ENAM: variants seen among roughly 807,000 people sequenced by gnomAD.
The protein encoded by ENAM is amelogenesis imperfecta 2, hypocalcification (autosomal dominant).
ENAM carries 21 observed loss-of-function variants against 33.6 expected under a neutral mutation model. The ratio of observed to expected loss-of-function variants is 0.63; its 90% CI spans 0.44 to 0.90. The LOEUF is 0.90. Ranked by LOEUF, ENAM falls within the 40% of genes least tolerant of loss-of-function variation. The pLI is 0.00. For synonymous variants in ENAM, 473 were observed against 468.4 expected, an observed-to-expected ratio of 1.01 and a Z score of -0.13; for missense variants, 1,388 against 1,366.9, an observed-to-expected ratio of 1.02 and a Z score of -0.24.
In ENAM at chr4:70,635,887, T is replaced by A; in HGVS notation, c.527T>A (p.Ile176Asn). 7 of 1,593,742 alleles carry A rather than the reference T, an allele frequency of 4.4e-6. No homozygotes were observed. The highest frequency in any genetic ancestry group is 6.0e-6 in the Non-Finnish European group (7 of 1,162,940). Residue 176 changes from isoleucine to asparagine, a missense_variant, in exon 7 of 9, where the codon ATT (isoleucine) becomes AAT (asparagine). Ile to Asn is a moderately radical substitution (Grantham distance 149). Coordinates refer to ENST00000396073, the MANE Select transcript of ENAM (RefSeq NM_031889.3). Reference sequence around the variant, plus strand: ...CCCTATCAACAACCACCATGGCAAATTCCACAGGTGAGAAATTTTTTTTTC... The same window carrying A: ...CCCTATCAACAACCACCATGGCAAAATCCACAGGTGAGAAATTTTTTTTTC... ...LFPYQQPPWQ[I>N]PQRLPPPGYG... is the part of the protein sequence containing the mutation.
Position 70,642,100 on chromosome 4 carries a change from A to T in ENAM, c.674A>T (p.Glu225Val), listed in dbSNP as rs1446160816. The T allele has an allele frequency of 6.2e-7, 1 of 1,614,110 alleles. No individual in the cohort carries two copies. The highest frequency in any genetic ancestry group is 2.2e-5 in the East Asian group (1 of 44,892). Residue 225 changes from glutamate (E) to valine (V), a missense_variant, in exon 9 of 9, where the codon GAA (glutamate) becomes GTA (valine). By Grantham distance (121) the Glu-to-Val change is moderately radical. Coordinates refer to ENST00000396073, the MANE Select transcript of ENAM (RefSeq NM_031889.3). ...GAAGAAATGTTTGAACAAGATTTTGAAAAACCCAAAGAAGAAGATCCTCCT... is the reference window on the plus strand; with the variant it reads ...GAAGAAATGTTTGAACAAGATTTTGTAAAACCCAAAGAAGAAGATCCTCCT... ...YSEEMFEQDF[E>V]KPKEEDPPKA...
Position 70,644,788 on chromosome 4 carries a change from T to C in ENAM, c.3362T>C (p.Phe1121Ser), listed in dbSNP as rs1177811943. 1.2e-6 allele frequency: 2 copies of C among 1,614,114 alleles called. No individual in the cohort carries two copies. Among genetic ancestry groups the C allele is most frequent in the East Asian group, 2.2e-5 (1 of 44,886 alleles). ...CTTGATGCAGATGAACACAGTCCAT[T>C]TGAATTCCTTCAAAGAGGGACCAAT... ...DPLDADEHSPFEFLQRGTNVQ... is the reference protein window; with the variant it reads ...DPLDADEHSPSEFLQRGTNVQ... The change falls in exon 9 of 9, where the codon TTT (phenylalanine) becomes TCT (serine). Residue 1121 changes from phenylalanine to serine, a missense_variant. Transcript: ENST00000396073.
chr4:70,629,819 CATAAT>C (rs1036908230), intron 2 of ENAM, among the ~76,000 whole-genome samples: 1 of 152,084 alleles, frequency 6.6e-6, no homozygotes, highest in African/African-American at 2.4e-5. Flanking sequence ...AGTCATCCAA[CATAAT>C]ATATTAATTT....
chr4:70,639,265 A>G (rs752465418), intron 8 of ENAM, among the ~76,000 whole-genome samples: 1 of 150,160 alleles, frequency 6.7e-6, no homozygotes, highest in Non-Finnish European at 1.5e-5. Context: ...GGAAGCAGAA[A>G]GATCCAGGCA....
chr4:70,640,828 G>A (rs776034452), intron 8 of ENAM, among the ~76,000 whole-genome samples: 3 of 152,136 alleles, frequency 2.0e-5, no homozygotes, highest in Non-Finnish European at 4.4e-5. Context: ...TTGATGTTAT[G>A]TTAAGGGATT....
intron 7 of ENAM, 67 bp from the exon 8 acceptor site, chr4:70,637,723 T>C: frequency 8.4e-7 from 1 of 1,186,280 alleles, no homozygotes; most frequent in East Asian, 2.3e-5. Context: ...ACACCCTGAG[T>C]CTTACAAACA....
intron 7 of ENAM, among the ~76,000 whole-genome samples, chr4:70,636,923 TGTTA>T (rs1324382584): frequency 3.3e-5 from 5 of 152,288 alleles, no homozygotes; most frequent in African/African-American, 1.2e-4. Context: ...ACTAAAGAAA[TGTTA>T]AAGGCCAGTT....
Position 70,644,561 on chromosome 4 carries a change from A to G in ENAM, c.3135A>G (p.Gln1045=). ...SQVQENESER[Q]QQRPSNILHL... is the part of the protein sequence containing the mutation. ...TCCAAGAAAATGAGAGTGAGAGGCA[A>G]CAGCAAAGACCATCTAACATTCTGC... is the stretch of plus-strand genomic sequence containing the variant. The change falls in exon 9 of 9, where the codon CAA becomes CAG. Residue 1045 remains glutamine, a synonymous_variant. Transcript: ENST00000396073. 1.2e-6 allele frequency: 2 copies of G among 1,613,648 alleles called. No homozygotes were observed. The highest frequency in any genetic ancestry group is 1.7e-6 in the Non-Finnish European group (2 of 1,179,642).
At position 70,644,564 on chromosome 4, in the gene ENAM, G is replaced by A; in HGVS notation, c.3138G>A (p.Gln1046=). The A allele has an allele frequency of 6.2e-7, 1 of 1,613,678 alleles. No individual in the cohort carries two copies. Among genetic ancestry groups the A allele is most frequent in the Non-Finnish European group, 8.5e-7 (1 of 1,179,672 alleles). ...AAGAAAATGAGAGTGAGAGGCAACA[G>A]CAAAGACCATCTAACATTCTGCATT... is the stretch of plus-strand genomic sequence containing the variant. ...QVQENESERQ[Q]QRPSNILHLP... Residue 1046 remains glutamine, a synonymous_variant, in exon 9 of 9, where the codon CAG becomes CAA. Transcript: ENST00000396073.
intron 8 of ENAM, 93 bp from the exon 9 acceptor site, chr4:70,641,922 C>A: frequency 1.2e-6 from 1 of 860,278 alleles, no homozygotes; most frequent in Non-Finnish European, 2.0e-6. Flanking sequence ...AATCATGTGG[C>A]TGATAAGATT....
At chr4:70,635,134 T>C (rs560718566) in intron 6 of ENAM, among the ~76,000 whole-genome samples, 1 of 152,286 alleles carries the variant, frequency 6.6e-6, no homozygotes, top group South Asian at 2.1e-4. Context: ...CCCAACACTT[T>C]GGGAGGCCAA....
Position 70,643,030 on chromosome 4 carries a change from A to G in ENAM, c.1604A>G (p.Gln535Arg), listed in dbSNP as rs915300364. Reference protein sequence around the residue: ...RRMPYESETNQSELKHSSYQP... With the variant: ...RRMPYESETNRSELKHSSYQP... ...ATGCCATATGAATCAGAAACTAATC[A>G]GTCAGAATTAAAGCACAGCTCATAT... The change falls in exon 9 of 9, where the codon CAG becomes CGG. Residue 535 changes from glutamine (Q) to arginine (R), a missense_variant. Transcript: ENST00000396073. 3.7e-6 allele frequency: 6 copies of G among 1,614,130 alleles called. No homozygotes were observed. The South Asian group carries it at 6.6e-5, about 18-fold the overall frequency.
Position 70,632,122 on chromosome 4 carries a change from G to C in ENAM, c.168+229G>C, listed in dbSNP as rs559494419. ...TCCTTTTCAAGGTAGATGTGGATTT[G>C]TGTTAAAATCTAGTTGATGTTACCT... On this transcript the variant is annotated intron_variant, in intron 4 of 8. Transcript: ENST00000396073. 3.8e-4 allele frequency among the ~76,000 whole-genome samples: 58 copies of C among 152,228 alleles called. 1 individual carries two copies. Among genetic ancestry groups the C allele is most frequent in the African/African-American group, 1.3e-3 (55 of 41,548 alleles).
In ENAM at chr4:70,635,897, G is replaced by GAA. The variant is rs766264415; in HGVS notation, c.534+4_534+5insAA. ...AACCACCATGGCAAATTCCACAGGT[G>GAA]AGAAATTTTTTTTTCTTTACACTGT... On this transcript the variant is annotated splice_donor_region_variant and intron_variant, in intron 7 of 8. Transcript: ENST00000396073. 1 of 1,587,216 alleles carries GAA rather than the reference G, an allele frequency of 6.3e-7. No individual in the cohort carries two copies. Among genetic ancestry groups the GAA allele is most frequent in the Non-Finnish European group, 8.6e-7 (1 of 1,157,988 alleles).
rs2109822928 is a variant in ENAM at position 70,638,124 on chromosome 4, C to A, written c.588+281C>A. Among the ~76,000 whole-genome samples the A allele has an allele frequency of 2.0e-5, 3 of 152,202 alleles. No homozygotes were observed. In the South Asian group the frequency reaches 6.2e-4, roughly 32 times the overall value. On this transcript the variant is annotated intron_variant, in intron 8 of 8. Transcript: ENST00000396073. ...CTCTAACTTCCTGATTATATTAATACAAATAAATTGAAGCCAAGAAAAGAT... is the reference window on the plus strand; with the variant it reads ...CTCTAACTTCCTGATTATATTAATAAAAATAAATTGAAGCCAAGAAAAGAT...
chr4:70,633,810 C>A (rs1738382832), intron 5 of ENAM, among the ~76,000 whole-genome samples: 1 of 152,242 alleles, frequency 6.6e-6, no homozygotes, highest in South Asian at 2.1e-4. Context: ...AACCAAGAAC[C>A]ATAGACACCA....
At position 70,645,230 on chromosome 4, in the gene ENAM, TCTAC is replaced by T; in HGVS notation, c.*376_*379del. ...ACTGAAAGGCAGATTAACTTTCCAT[TCTAC>T]TTATGGAGATCCACACATCAGTATA... On this transcript the variant is annotated 3_prime_UTR_variant, in exon 9 of 9. Coordinates refer to ENST00000396073, the MANE Select transcript of ENAM (RefSeq NM_031889.3). 8 of 293,338 alleles carry T rather than the reference TCTAC, an allele frequency of 2.7e-5. No individual in the cohort carries two copies. Among genetic ancestry groups the T allele is most frequent in the African/African-American group, 1.1e-4 (5 of 46,218 alleles). 18.2% of individuals were successfully genotyped at this position (293,338 alleles called of 1,614,324 possible). A position where few individuals can be genotyped will look rare whatever the true frequency, so the allele number is the denominator to read the frequency against.
At position 70,642,488 on chromosome 4, in the gene ENAM, A is replaced by G. The variant is rs769197692; in HGVS notation, c.1062A>G (p.Gln354=). The G allele has an allele frequency of 1.5e-5, 25 of 1,614,158 alleles. No homozygotes were observed. Among genetic ancestry groups the G allele is most frequent in the Non-Finnish European group, 2.1e-5 (25 of 1,180,002 alleles). The stretch of plus-strand genomic sequence containing the variant: ...ATAGGCCTTTTTACAGAAATCAACA[A>G]GTTCAAAGGGGTCCTCGGTGGAACT... ...RQNRPFYRNQ[Q]VQRGPRWNFF... Residue 354 remains glutamine, a synonymous_variant, in exon 9 of 9, where the codon CAA becomes CAG. Transcript: ENST00000396073.
In ENAM at chr4:70,643,913, G is replaced by T; in HGVS notation, c.2487G>T (p.Leu829Phe). The T allele has an allele frequency of 6.2e-7, 1 of 1,614,106 alleles. No homozygotes were observed. Among genetic ancestry groups the T allele is most frequent in the Non-Finnish European group, 8.5e-7 (1 of 1,180,014 alleles). ...CAATATGGCATGAAGGTGAGAATTTGAACTATGGCATGCAAATAACTAGGA... is the reference window on the plus strand; with the variant it reads ...CAATATGGCATGAAGGTGAGAATTTTAACTATGGCATGCAAATAACTAGGA... ...KNPIWHEGEN[L>F]NYGMQITRMN... The change falls in exon 9 of 9, where the codon TTG (leucine) becomes TTT (phenylalanine). Residue 829 changes from leucine to phenylalanine, a missense_variant. Leu to Phe is a conservative substitution (Grantham distance 22). Coordinates refer to ENST00000396073, the MANE Select transcript of ENAM (RefSeq NM_031889.3).
Sources: allele counts gnomAD v4.1 joint callset (sites outside exome capture counted in the v4.1 genomes callset), GRCh38; gene constraint gnomAD v4.1.1; transcripts MANE v1.5; gene names NCBI Gene and HGNC (gene_info 2026-07-23, HGNC 2026-07-21).